Variants in GSN observed in about 807,000 individuals in gnomAD.
GSN encodes the protein gelsolin, also known as actin-depolymerizing factor.
A neutral mutation model predicts 85.7 loss-of-function variants in GSN; 56 were observed. The ratio of observed to expected loss-of-function variants is 0.65; its 90% CI spans 0.53 to 0.82. GSN has a LOEUF of 0.82. Among genes scored for constraint, GSN ranks in the 40% least tolerant of loss-of-function variants. GSN has a pLI of 0.00. For synonymous variants in GSN, 373 were observed against 399.1 expected (o/e 0.93, Z 0.78); for missense variants, 857 against 979.8 (o/e 0.87, Z 1.67).
At position 121,220,148 on chromosome 9, in the gene GSN, G is replaced by C. The variant is rs1439451073; in HGVS notation, c.-528+9281G>C. ...TCCGCCCACCTCAGCCTCCCAAAGT[G>C]CTGGGATTACAGGCGTGAGCCACTG... On this transcript the variant is annotated intron_variant, in intron 4 of 24. Transcript: ENST00000373823. 2.0e-5 allele frequency among the ~76,000 whole-genome samples: 3 copies of C among 152,202 alleles called. No individual in the cohort carries two copies. In the East Asian group the frequency reaches 5.8e-4, roughly 29 times the overall value.
intron 3 of GSN, among the ~76,000 whole-genome samples, chr9:121,302,584 C>T (rs554349264): frequency 5.9e-5 from 9 of 152,158 alleles, no homozygotes; most frequent in Non-Finnish European, 1.2e-4. Flanking sequence ...ACACCTCTGC[C>T]GTGGGATGCT....
chr9:121,214,517 C>T (rs2054024105), intron 4 of GSN, among the ~76,000 whole-genome samples: 1 of 152,078 alleles, frequency 6.6e-6, no homozygotes, highest in South Asian at 2.1e-4. Context: ...TGGTAGTGTA[C>T]AAAATATATT....
At position 121,239,558 on chromosome 9, in the gene GSN, A is replaced by T. The variant is rs1054010468; in HGVS notation, c.-389+8255A>T. 5 of 282,144 alleles carry T rather than the reference A, an allele frequency of 1.8e-5. No homozygotes were observed. The East Asian group carries it at 5.2e-4, about 30-fold the overall frequency. The allele number at this position is 282,144 out of a possible 1,614,324, so 17.5% of individuals were successfully genotyped here. On this transcript the variant is annotated intron_variant, in intron 5 of 24. Coordinates refer to the GSN transcript ENST00000373823. Reference sequence around the variant, plus strand: ...GTGTAGTAACCCAGCAGCAGAGAAGATAAAAATTTTCTGCCCCGGCAATAC... The same window carrying T: ...GTGTAGTAACCCAGCAGCAGAGAAGTTAAAAATTTTCTGCCCCGGCAATAC...
chr9:121,300,966 T>C (rs2059781164), intron 2 of GSN, among the ~76,000 whole-genome samples: 1 of 152,224 alleles, frequency 6.6e-6, no homozygotes, highest in African/African-American at 2.4e-5. Flanking sequence ...TAGCGCCTGC[T>C]GTCTGCCAGG....
At chr9:121,281,656 G>T (rs757688806) in intron 2 of GSN, 94 bp downstream of exon 2, 1 of 471,182 alleles carries the variant, frequency 2.1e-6, no homozygotes, top group Non-Finnish European at 4.4e-6. Flanking sequence ...GGAAGCAGCC[G>T]CTGTAGCCAC....
intron 6 of GSN, among the ~76,000 whole-genome samples, chr9:121,251,545 A>T (rs1283973936): frequency 1.3e-5 from 2 of 152,068 alleles, no homozygotes; most frequent in African/African-American, 4.8e-5. Flanking sequence ...TAAAATCATC[A>T]TTCTAAATTA....
At chr9:121,321,150 G>A in intron 10 of GSN, 118 bp from the exon 11 acceptor site, 1 of 1,085,512 alleles carries the variant, frequency 9.2e-7, no homozygotes, top group Non-Finnish European at 1.4e-6. Flanking sequence ...CCGAGCCCAA[G>A]TGATTAAAAG....
intron 4 of GSN, among the ~76,000 whole-genome samples, chr9:121,216,061 G>A (rs756191388): frequency 6.6e-5 from 10 of 151,726 alleles, no homozygotes; most frequent in South Asian, 2.1e-4. Context: ...GGGTTCTAAC[G>A]ATTCTCCTGC....
chr9:121,276,614 C>G (rs2056708258), intron 1 of GSN, among the ~76,000 whole-genome samples: 1 of 152,240 alleles, frequency 6.6e-6, no homozygotes, highest in Admixed American at 6.5e-5. Flanking sequence ...TCGCCTGGCT[C>G]TACCCTCTCA....
At chr9:121,248,391 CCTT>C (rs1032377820) in intron 6 of GSN, 1 of 152,496 alleles carries the variant, frequency 6.6e-6, no homozygotes, top group Non-Finnish European at 1.5e-5. Flanking sequence ...TCATCTTCCT[CCTT>C]CTCCCTTCTT....
At chr9:121,295,829 C>T (rs896917496) in intron 2 of GSN, among the ~76,000 whole-genome samples, 1 of 152,180 alleles carries the variant, frequency 6.6e-6, no homozygotes. Context: ...AGGAGATCTC[C>T]GAGGTGCACA....
At chr9:121,321,835 A>G (rs995666210) in intron 11 of GSN, among the ~76,000 whole-genome samples, 2 of 152,038 alleles carry the variant, frequency 1.3e-5, no homozygotes, top group Non-Finnish European at 2.9e-5. Context: ...TCTGCCTCCC[A>G]AGTTCAAGCA....
intron 2 of GSN, among the ~76,000 whole-genome samples, chr9:121,289,837 A>G (rs1474507414): frequency 6.6e-6 from 1 of 152,124 alleles, no homozygotes; most frequent in Admixed American, 6.5e-5. Context: ...TGTGGGCCCC[A>G]TATCACAGAG....
At chr9:121,271,701 C>A (rs545485905) in intron 1 of GSN, among the ~76,000 whole-genome samples, 1 of 152,274 alleles carries the variant, frequency 6.6e-6, no homozygotes, top group Admixed American at 6.5e-5. Context: ...GAGAGCTCAG[C>A]CCTGCAGCAG....
At chr9:121,331,702 A>G in intron 17 of GSN, 1 of 420,680 alleles carries the variant, frequency 2.4e-6, no homozygotes, top group Non-Finnish European at 4.3e-6. Flanking sequence ...GAAGGGACAG[A>G]TGAGAAGTCA....
At chr9:121,255,841 G>A (rs1209538713) in intron 6 of GSN, among the ~76,000 whole-genome samples, 2 of 152,180 alleles carry the variant, frequency 1.3e-5, no homozygotes, top group Admixed American at 1.3e-4. Context: ...AAAAATTCCT[G>A]GGGGTGGAAC....
At chr9:121,267,890 G>C (rs575908645), upstream of GSN, among the ~76,000 whole-genome samples, 2 of 152,054 alleles carry the variant, frequency 1.3e-5, no homozygotes, top group African/African-American at 4.8e-5. Flanking sequence ...TCTCCTCCCC[G>C]ACCCTAGGCC....
At chr9:121,222,479 A>G (rs1439245668) in intron 4 of GSN, among the ~76,000 whole-genome samples, 1 of 152,254 alleles carries the variant, frequency 6.6e-6, no homozygotes, top group Non-Finnish European at 1.5e-5. Flanking sequence ...GCAGAAATAA[A>G]TTTGATAGAT....
At chr9:121,217,368 A>T (rs1477442185) in intron 4 of GSN, among the ~76,000 whole-genome samples, 2 of 151,708 alleles carry the variant, frequency 1.3e-5, no homozygotes, top group Non-Finnish European at 2.9e-5. Context: ...TCCGTCTCAA[A>T]AAAAAAAAAA....
Sources: allele counts gnomAD v4.1 joint callset (sites outside exome capture counted in the v4.1 genomes callset), GRCh38; gene constraint gnomAD v4.1.1; transcripts MANE v1.5; gene names NCBI Gene and HGNC (gene_info 2026-07-23, HGNC 2026-07-21).